Variants in ENTPD5 observed in about 807,000 individuals in gnomAD.
ENTPD5 encodes the protein nucleoside diphosphate phosphatase ENTPD5.
A neutral mutation model predicts 60.2 loss-of-function variants in ENTPD5; 49 were observed. The ratio of observed to expected loss-of-function variants is 0.81; its 90% confidence interval spans 0.65 to 1.03. The LOEUF is 1.03. Among genes scored for constraint, ENTPD5 ranks in the 50% least tolerant of loss-of-function variants. The pLI, the probability that ENTPD5 is intolerant of heterozygous loss-of-function variation, is 0.00. For synonymous variants in ENTPD5, 187 were observed against 185.4 expected, an observed-to-expected ratio of 1.01 and a Z score of -0.07; for missense variants, 480 against 507.6, an observed-to-expected ratio of 0.95 and a Z score of 0.52.
At chr14:73,971,564 C>A (rs78136305) in intron 14 of ENTPD5, among the ~76,000 whole-genome samples, 1 of 152,188 alleles carries the variant, frequency 6.6e-6, no homozygotes, top group Non-Finnish European at 1.5e-5. Context: ...GTTGCCTAAG[C>A]TGCAATGCAG....
At chr14:74,017,226 G>A (rs1214681964) in intron 1 of ENTPD5, among the ~76,000 whole-genome samples, 2 of 152,126 alleles carry the variant, frequency 1.3e-5, no homozygotes, top group African/African-American at 4.8e-5. Context: ...GCTGAGGCAG[G>A]AGAATTGCTT....
At chr14:74,013,132 T>A (rs1359488224) in intron 2 of ENTPD5, among the ~76,000 whole-genome samples, 1 of 152,192 alleles carries the variant, frequency 6.6e-6, no homozygotes, top group Non-Finnish European at 1.5e-5. Context: ...AGGTCTCAGG[T>A]GGGGCCTGTG....
rs182007454 is a variant in ENTPD5 at position 74,010,870 on chromosome 14, A to G, written c.-71+221T>C. ...CTAATTTTCTTTTTAAATCTGTTGT[A>G]GGATGTAAATCAGGAAGCCATAATT... On this transcript the variant is annotated intron_variant, in intron 3 of 15. Coordinates refer to ENST00000334696, the MANE Select transcript of ENTPD5 (RefSeq NM_001249.5). 7.2e-5 allele frequency among the ~76,000 whole-genome samples: 11 copies of G among 152,312 alleles called. No homozygotes were observed. In the East Asian group the frequency reaches 1.9e-3, roughly 27 times the overall value.
At chr14:74,012,290 GA>G (rs11289010) in intron 2 of ENTPD5, among the ~76,000 whole-genome samples, 1,464 of 137,266 alleles carry the variant, frequency 0.011, 23 homozygotes, top group African/African-American at 0.036. Flanking sequence ...TTTTAGTAGA[GA>G]GGGGGGGGTT....
At chr14:73,973,450 T>A (rs1262924635) in intron 12 of ENTPD5, among the ~76,000 whole-genome samples, 1 of 152,256 alleles carries the variant, frequency 6.6e-6, no homozygotes, top group African/African-American at 2.4e-5. Flanking sequence ...AACCATTAAC[T>A]AAACAGGCTT....
At chr14:73,988,203 A>C in intron 3 of ENTPD5, 31 bp from the exon 4 acceptor site, 1 of 1,467,676 alleles carries the variant, frequency 6.8e-7, no homozygotes, top group Non-Finnish European at 9.0e-7. Context: ...AAGTTAGACC[A>C]ACTAGCTTTT....
chr14:74,003,250 T>G, intron 3 of ENTPD5: 1 of 356,528 alleles, frequency 2.8e-6, no homozygotes, highest in Non-Finnish European at 5.4e-6. Flanking sequence ...GAATATAAGC[T>G]CCTCAAGAGC....
chr14:73,971,364 G>A (rs568668297), intron 14 of ENTPD5, among the ~76,000 whole-genome samples: 10 of 152,010 alleles, frequency 6.6e-5, no homozygotes, highest in Admixed American at 4.6e-4. Context: ...CACCATGTTG[G>A]CCAGGCTGTC....
At chr14:73,967,526 G>A (rs1389464640) in intron 15 of ENTPD5, among the ~76,000 whole-genome samples, 1 of 152,190 alleles carries the variant, frequency 6.6e-6, no homozygotes, top group Non-Finnish European at 1.5e-5. Context: ...CAAACATGGG[G>A]CCAGGCGCAG....
At chr14:73,959,137 G>A (rs769879475), downstream of ENTPD5, 48 of 1,614,062 alleles carry the variant, frequency 3.0e-5, no homozygotes, top group South Asian at 1.9e-4. Flanking sequence ...ACTTCACAGA[G>A]AAACTTTTCT....
chr14:73,961,730 C>T (rs1555358847), downstream of ENTPD5: 1 of 1,614,078 alleles, frequency 6.2e-7, no homozygotes, highest in Non-Finnish European at 8.5e-7. Context: ...TTTCCTCTGC[C>T]CTTCAGGTTC....
rs1369936549 is a variant in ENTPD5, at chr14:73,987,947, C to T, written c.156G>A (p.Met52Ile). ...GAGTTCCAGTGCTCCCTGCATCAAA[C>T]ATAATTCCATACAAGGTGCTGGCGC... is the stretch of plus-strand genomic sequence containing the variant. ...NVSASTLYGIMFDAGSTGTRI... is the reference protein window; with the variant it reads ...NVSASTLYGIIFDAGSTGTRI... The change falls in exon 4 of 16, where the codon ATG becomes ATA. Residue 52 changes from methionine to isoleucine, a missense_variant. By Grantham distance (10) the Met-to-Ile change is conservative. Coordinates refer to ENST00000334696, the MANE Select transcript of ENTPD5 (RefSeq NM_001249.5). The T allele has an allele frequency of 3.7e-6, 6 of 1,614,032 alleles. No homozygotes were observed. Among genetic ancestry groups the T allele is most frequent in the Non-Finnish European group, 5.1e-6 (6 of 1,180,040 alleles).
chr14:74,003,945 T>A (rs77422759), intron 3 of ENTPD5, among the ~76,000 whole-genome samples: 1 of 151,250 alleles, frequency 6.6e-6, no homozygotes, highest in African/African-American at 2.4e-5. Flanking sequence ...AATTTTTTTT[T>A]AATGAAAAAA....
chr14:74,013,367 C>A (rs78496651), intron 2 of ENTPD5, among the ~76,000 whole-genome samples: 9,586 of 152,260 alleles, frequency 0.063, 505 homozygotes, highest in South Asian at 0.26. Context: ...AATTCTATAG[C>A]ACCTAGGGTT....
In ENTPD5 at chr14:73,976,345, G is replaced by T; in HGVS notation, c.621C>A (p.Ile207=). Residue 207 remains isoleucine (I), a synonymous_variant, in exon 9 of 16, where the codon ATC becomes ATA. Coordinates refer to ENST00000334696, the MANE Select transcript of ENTPD5 (RefSeq NM_001249.5). Reference sequence around the variant, plus strand: ...TCACCTCAAACTGGGGCAGGAACGTGATTTGGGTGGAGGCTCCCCCTAGGT... The same window carrying T: ...TCACCTCAAACTGGGGCAGGAACGTTATTTGGGTGGAGGCTCCCCCTAGGT... ...TLDLGGASTQ[I]TFLPQFEKTL... 6.2e-7 allele frequency: 1 copy of T among 1,614,126 alleles called. No homozygotes were observed. The highest frequency in any genetic ancestry group is 8.5e-7 in the Non-Finnish European group (1 of 1,179,984).
At chr14:74,013,177 G>A (rs1434602892) in intron 2 of ENTPD5, among the ~76,000 whole-genome samples, 1 of 152,204 alleles carries the variant, frequency 6.6e-6, no homozygotes, top group Non-Finnish European at 1.5e-5. Flanking sequence ...AGGTGAAGCT[G>A]ATGTTACCGG....
rs1466159378 is a variant in ENTPD5 at position 73,966,319 on chromosome 14, T to C, written c.*609A>G. On this transcript the variant is annotated 3_prime_UTR_variant, in exon 16 of 16. Transcript: ENST00000334696. ...TGGCCTTCTTTCTTAAGGCTGTAAT[T>C]TATGCACAGTTAGGAGTTACTCTCT... 4 of 152,216 alleles carry C rather than the reference T, an allele frequency of 2.6e-5. No individual in the cohort carries two copies. Among genetic ancestry groups the C allele is most frequent in the Non-Finnish European group, 4.4e-5 (3 of 68,050 alleles). 9.4% of individuals were successfully genotyped at this position (152,216 alleles called of 1,614,324 possible).
At chr14:73,960,281 T>G, downstream of ENTPD5, 2 of 986,124 alleles carry the variant, frequency 2.0e-6, no homozygotes, top group South Asian at 9.4e-5. Flanking sequence ...GAATAAAGAC[T>G]TTCAAAATGA....
intron 15 of ENTPD5, among the ~76,000 whole-genome samples, chr14:73,969,061 C>G (rs2057107357): frequency 6.6e-6 from 1 of 152,250 alleles, no homozygotes; most frequent in African/African-American, 2.4e-5. Flanking sequence ...CCCTCTTGGT[C>G]TCTCATGTCC....
Sources: allele counts gnomAD v4.1 joint callset (sites outside exome capture counted in the v4.1 genomes callset), GRCh38; gene constraint gnomAD v4.1.1; transcripts MANE v1.5; gene names NCBI Gene and HGNC (gene_info 2026-07-23, HGNC 2026-07-21).